Variants in GRIK4 observed in about 807,000 individuals in gnomAD.
GRIK4 encodes the protein glutamate receptor ionotropic, kainate 4.
A neutral mutation model predicts 104.9 loss-of-function variants in GRIK4; 40 were observed. That is an observed-to-expected ratio of 0.38 (90% CI 0.30 to 0.50). The LOEUF (loss-of-function observed/expected upper bound fraction) is 0.50, where lower values mean the gene tolerates loss of function less well. Ranked by LOEUF, GRIK4 falls within the 20% of genes least tolerant of loss-of-function variation. The pLI is 0.93. For synonymous variants in GRIK4, 485 were observed against 524.9 expected (o/e 0.92, Z 1.04); for missense variants, 1,047 against 1,308.1 (o/e 0.80, Z 3.08).
intron 3 of GRIK4, among the ~76,000 whole-genome samples, chr11:120,662,161 G>C (rs548427275): frequency 6.6e-6 from 1 of 152,328 alleles, no homozygotes; most frequent in South Asian, 2.1e-4. Context: ...GGAGCTGACA[G>C]GTCCCTCTTT....
intron 1 of GRIK4, among the ~76,000 whole-genome samples, chr11:120,618,544 A>G (rs907986073): frequency 1.3e-4 from 20 of 152,222 alleles, no homozygotes; most frequent in Admixed American, 1.0e-3. Flanking sequence ...GAGGCATTTC[A>G]GAGACCATTG....
Position 120,905,489 on chromosome 11 carries a change from C to A in GRIK4, c.1472C>A (p.Ala491Asp). The change falls in exon 13 of 21, where the codon GCT becomes GAT. Residue 491 changes from alanine (A) to aspartate (D), a missense_variant. Ala to Asp is a moderately radical substitution (Grantham distance 126). This residue lies in a region of GRIK4 where 440 missense variants were observed against 652.3 expected (regional missense o/e 0.67). Coordinates refer to ENST00000527524, the MANE Select transcript of GRIK4 (RefSeq NM_014619.5). The surrounding 1 kb of genome is among the most constrained non-coding windows in gnomAD (Gnocchi z 5.1). Reference sequence around the variant, plus strand: ...ACGGGAATGGTCGGGGAGCTGATCGCTAGGGTAAGGAGAGGACAAGTGATC... The same window carrying A: ...ACGGGAATGGTCGGGGAGCTGATCGATAGGGTAAGGAGAGGACAAGTGATC... ...TWTGMVGELI[A>D]RKADLAVAGL... 1 of 1,311,884 alleles carries A rather than the reference C, an allele frequency of 7.6e-7. No homozygotes were observed. The highest frequency in any genetic ancestry group is 1.0e-6 in the Non-Finnish European group (1 of 978,552). The allele number at this position is 1,311,884 out of a possible 1,614,324, so 81.3% of individuals were successfully genotyped here. A position where few individuals can be genotyped will look rare whatever the true frequency, so the allele number is the denominator to read the frequency against.
intron 13 of GRIK4, among the ~76,000 whole-genome samples, chr11:120,932,301 A>G (rs1412497576): frequency 6.6e-6 from 1 of 152,086 alleles, no homozygotes; most frequent in East Asian, 1.9e-4. Context: ...GCAGAGAGTC[A>G]GTGGAGAGCT....
At chr11:120,517,664 G>A (rs1947747587) in intron 1 of GRIK4, among the ~76,000 whole-genome samples, 1 of 152,136 alleles carries the variant, frequency 6.6e-6, no homozygotes, top group South Asian at 2.1e-4. Flanking sequence ...GGCCGGGCTA[G>A]GATTGCTGCC....
chr11:120,518,273 A>G (rs114570413), intron 1 of GRIK4, among the ~76,000 whole-genome samples: 3,172 of 152,280 alleles, frequency 0.021, 99 homozygotes, highest in African/African-American at 0.073. Flanking sequence ...CCTGGCCTCC[A>G]TGACTCTCGG....
chr11:120,602,164 G>A lies in GRIK4; in HGVS notation c.-158-51521G>A, dbSNP rs542804010. On this transcript the variant is annotated intron_variant, in intron 1 of 20. Coordinates refer to ENST00000527524, the MANE Select transcript of GRIK4 (RefSeq NM_014619.5). ...TAGTTCAGGAAGCCCCTGGGAGCCA[G>A]CTCCGTAGATTGCCCCCTCTTTCTT... Among the ~76,000 whole-genome samples the A allele has an allele frequency of 2.6e-5, 4 of 152,308 alleles. No homozygotes were observed. The East Asian group carries it at 7.7e-4, about 29-fold the overall frequency.
chr11:120,764,682 G>A (rs1951802438), intron 3 of GRIK4, among the ~76,000 whole-genome samples: 1 of 151,812 alleles, frequency 6.6e-6, no homozygotes, highest in Non-Finnish European at 1.5e-5. Context: ...ATTTGTTTGT[G>A]TATAAAGGAT....
At position 120,939,764 on chromosome 11, in the gene GRIK4, G is replaced by A. The variant is rs947784646; in HGVS notation, c.1477-583G>A. On this transcript the variant is annotated intron_variant, in intron 13 of 20. Transcript: ENST00000527524. The surrounding 1 kb of genome is among the most constrained non-coding windows in gnomAD (Gnocchi z 5.6). ...TGGGAGGCCAGGGCGGGCAGATCAC[G>A]GGGTCAGGAGTTTGAGACCAGCCTG... Among the ~76,000 whole-genome samples, 1 of 152,078 alleles carries A rather than the reference G, an allele frequency of 6.6e-6. No individual in the cohort carries two copies. Among genetic ancestry groups the A allele is most frequent in the Non-Finnish European group, 1.5e-5 (1 of 68,016 alleles).
intron 1 of GRIK4, among the ~76,000 whole-genome samples, chr11:120,566,191 C>T (rs1399820429): frequency 6.6e-6 from 1 of 152,156 alleles, no homozygotes; most frequent in African/African-American, 2.4e-5. Flanking sequence ...TTGTAGAGGC[C>T]GTTTAGTGAA....
At chr11:120,620,113 A>G in intron 1 of GRIK4, 2 of 771,180 alleles carry the variant, frequency 2.6e-6, no homozygotes, top group Non-Finnish European at 2.4e-6. Flanking sequence ...GTTCTCAGCA[A>G]AATTGACCTG....
At chr11:120,927,561 G>A (rs1311449391) in intron 13 of GRIK4, among the ~76,000 whole-genome samples, 1 of 73,610 alleles carries the variant, frequency 1.4e-5, no homozygotes, top group African/African-American at 4.5e-5. Context: ...GTGAGACTCT[G>A]TCTCAAAAAA....
At chr11:120,775,636 A>G (rs1370107967) in intron 3 of GRIK4, among the ~76,000 whole-genome samples, 1 of 152,268 alleles carries the variant, frequency 6.6e-6, no homozygotes, top group African/African-American at 2.4e-5. Context: ...TGAGATTTTT[A>G]CAAATTATCC....
intron 3 of GRIK4, among the ~76,000 whole-genome samples, chr11:120,737,671 G>A (rs1178635382): frequency 2.6e-5 from 4 of 152,118 alleles, no homozygotes; most frequent in Non-Finnish European, 4.4e-5. Flanking sequence ...TAGTGTCTAG[G>A]AATGCACTTG....
intron 3 of GRIK4, among the ~76,000 whole-genome samples, chr11:120,766,570 G>C (rs1951843870): frequency 6.6e-6 from 1 of 152,200 alleles, no homozygotes; most frequent in Non-Finnish European, 1.5e-5. Context: ...TGAAACCCAG[G>C]GGCCTTGTGG....
chr11:120,754,060 C>T (rs1951610121), intron 3 of GRIK4, among the ~76,000 whole-genome samples: 2 of 152,118 alleles, frequency 1.3e-5, no homozygotes, highest in African/African-American at 4.8e-5. Context: ...GAGACGGAGT[C>T]TTGCTGTGTC....
chr11:120,959,239 A>G (rs1235425472), intron 16 of GRIK4, among the ~76,000 whole-genome samples: 1 of 152,186 alleles, frequency 6.6e-6, no homozygotes, highest in African/African-American at 2.4e-5. Context: ...TTTCCCCCAC[A>G]TTCTCACAGT....
At chr11:120,849,442 C>T (rs1253220213) in intron 8 of GRIK4, among the ~76,000 whole-genome samples, 9 of 152,162 alleles carry the variant, frequency 5.9e-5, no homozygotes, top group Non-Finnish European at 1.0e-4. Flanking sequence ...CTCGGCCTTC[C>T]GTCTACTGAT....
chr11:120,911,659 T>A (rs1424442388), intron 13 of GRIK4, among the ~76,000 whole-genome samples: 1 of 148,028 alleles, frequency 6.8e-6, no homozygotes, highest in African/African-American at 2.5e-5. Flanking sequence ...CTGGCCAACA[T>A]GGTGAAACCC....
intron 1 of GRIK4, among the ~76,000 whole-genome samples, chr11:120,599,040 C>T (rs1948844977): frequency 6.6e-6 from 1 of 152,192 alleles, no homozygotes; most frequent in Admixed American, 6.5e-5. Context: ...CAAAGGGTAA[C>T]ACCCACTCTT....
Sources: allele counts gnomAD v4.1 joint callset (sites outside exome capture counted in the v4.1 genomes callset), GRCh38; gene constraint gnomAD v4.1.1; regional missense constraint gnomAD v4.1.1; non-coding constraint Gnocchi (gnomAD v3.1); transcripts MANE v1.5; gene names NCBI Gene and HGNC (gene_info 2026-07-23, HGNC 2026-07-21).